The following PI4KA variants were observed in gnomAD, a reference collection of about 807,000 sequenced individuals.
PI4KA encodes the protein PI4-kinase alpha.
PI4KA carries 122 observed loss-of-function variants against 271.4 expected under a neutral mutation model. The ratio of observed to expected loss-of-function variants is 0.45; its 90% CI spans 0.39 to 0.52. The LOEUF (loss-of-function observed/expected upper bound fraction) is 0.52, where lower values mean the gene tolerates loss of function less well. PI4KA is among the 20% of genes least tolerant of loss of function. The pLI is 0.00. For missense variants in PI4KA, 1,969 were observed against 2,769.1 expected (o/e 0.71, Z 6.48); for synonymous variants, 1,041 against 1,078.8 (o/e 0.96, Z 0.69).
chr22:20,827,889 G>T (rs749182494), intron 3 of PI4KA, among the ~76,000 whole-genome samples: 29 of 152,136 alleles, frequency 1.9e-4, no homozygotes, highest in Non-Finnish European at 2.9e-5. Context: ...CCGCCTCCCA[G>T]GTTCAAGCGA....
At chr22:20,813,917 G>A (rs1249472415) in intron 7 of PI4KA, among the ~76,000 whole-genome samples, 1 of 152,114 alleles carries the variant, frequency 6.6e-6, no homozygotes, top group Admixed American at 6.5e-5. Context: ...TCCTGCCTCA[G>A]CCTTCCGAGT....
At chr22:20,794,769 C>T (rs1289141199) in intron 18 of PI4KA, among the ~76,000 whole-genome samples, 3 of 152,200 alleles carry the variant, frequency 2.0e-5, no homozygotes, top group Non-Finnish European at 4.4e-5. Flanking sequence ...TTCTGTAACA[C>T]CCTCATCTAG....
chr22:20,757,027 C>A (rs1457419722), intron 23 of PI4KA, among the ~76,000 whole-genome samples: 3 of 152,180 alleles, frequency 2.0e-5, no homozygotes, highest in East Asian at 3.9e-4. Flanking sequence ...GGATGGTGGG[C>A]AGGTGAGCAG....
intron 20 of PI4KA, 150 bp from the exon 21 acceptor site, chr22:20,765,386 G>A (rs933484260): frequency 4.4e-6 from 4 of 906,836 alleles, no homozygotes; most frequent in Admixed American, 2.4e-5. Context: ...GACTTGGACA[G>A]ACTTTTCCTA....
chr22:20,817,261 A>C (rs1381954705), intron 7 of PI4KA, among the ~76,000 whole-genome samples: 1 of 152,172 alleles, frequency 6.6e-6, no homozygotes, highest in Non-Finnish European at 1.5e-5. Context: ...TCAAAAAAGG[A>C]GAGACTATAC....
chr22:20,765,893 A>G (rs1343110602), intron 19 of PI4KA, among the ~76,000 whole-genome samples, 200 bp from the exon 20 acceptor site: 1 of 152,198 alleles, frequency 6.6e-6, no homozygotes, highest in African/African-American at 2.4e-5. Context: ...CCTAGTGTGC[A>G]CCAGGTGCTG....
chr22:20,729,875 G>A lies in PI4KA; in HGVS notation c.4408+17C>T, dbSNP rs768979002. 29 of 1,613,774 alleles carry A rather than the reference G, an allele frequency of 1.8e-5. 1 individual carries two copies. Among genetic ancestry groups the A allele is most frequent in the Non-Finnish European group, 5.9e-6 (7 of 1,179,872 alleles). On this transcript the variant is annotated intron_variant, in intron 37 of 54. Transcript: ENST00000255882. ...TAGCTTGCATGTGATGGCCCCAGCA[G>A]CACACCTCCCACCGACCTGATTTCT...
In PI4KA at chr22:20,764,385, G is replaced by A. The variant is rs143320990; in HGVS notation, c.2708+432C>T. ...TGGCCACAGATGTGTCCTGAGCATC[G>A]GGCCACATGCAGGACTGTTTTGGAG... On this transcript the variant is annotated intron_variant, in intron 22 of 54. Coordinates refer to ENST00000255882, the MANE Select transcript of PI4KA (RefSeq NM_058004.4). 8.3e-4 allele frequency among the ~76,000 whole-genome samples: 127 copies of A among 152,192 alleles called. 2 individuals are homozygous for A. In the East Asian group the frequency reaches 0.018, roughly 22 times the overall value.
At chr22:20,755,016 T>A (rs979699575) in intron 23 of PI4KA, among the ~76,000 whole-genome samples, 6 of 152,136 alleles carry the variant, frequency 3.9e-5, no homozygotes, top group African/African-American at 1.4e-4. Flanking sequence ...CTTGAACTCC[T>A]GGGCTCAAGC....
At chr22:20,838,168 A>G (rs1250318405) in intron 2 of PI4KA, among the ~76,000 whole-genome samples, 15 of 152,096 alleles carry the variant, frequency 9.9e-5, no homozygotes, top group Non-Finnish European at 2.9e-5. Context: ...AAAAGTTTAT[A>G]TACATAATCG....
chr22:20,854,160 G>A lies in PI4KA; in HGVS notation c.156+4410C>T, dbSNP rs115638457. On this transcript the variant is annotated intron_variant, in intron 1 of 54. Transcript: ENST00000255882. ...TTTTGAGACAGAGTCTCCGTTTGTC[G>A]CCCAAGCCAGAATGCAGTGGTGAGA... 2.1e-3 allele frequency among the ~76,000 whole-genome samples: 325 copies of A among 152,160 alleles called. 1 individual carries two copies. The highest frequency in any genetic ancestry group is 7.3e-3 in the African/African-American group (305 of 41,522).
chr22:20,738,794 C>T (rs938323425), intron 32 of PI4KA, among the ~76,000 whole-genome samples: 18 of 151,998 alleles, frequency 1.2e-4, no homozygotes, highest in Non-Finnish European at 2.1e-4. Context: ...CTTTAAGACA[C>T]CTTTCCCAAT....
chr22:20,806,437 AGGTG>A (rs1935655446), intron 10 of PI4KA, among the ~76,000 whole-genome samples: 1 of 152,136 alleles, frequency 6.6e-6, no homozygotes. Flanking sequence ...TGGGAGGCCA[AGGTG>A]GGTGGATCAT....
chr22:20,772,481 C>G (rs1233774877), intron 19 of PI4KA, among the ~76,000 whole-genome samples: 1 of 152,212 alleles, frequency 6.6e-6, no homozygotes, highest in East Asian at 1.9e-4. Flanking sequence ...GATGAAGGCT[C>G]TAAGAAGACA....
chr22:20,828,754 C>T (rs1378299666), intron 3 of PI4KA, among the ~76,000 whole-genome samples: 1 of 152,086 alleles, frequency 6.6e-6, no homozygotes, highest in Non-Finnish European at 1.5e-5. Context: ...AGGATTTCAC[C>T]ATGTTGGCCA....
intron 1 of PI4KA, among the ~76,000 whole-genome samples, chr22:20,850,753 A>G (rs911789394): frequency 7.9e-5 from 12 of 151,988 alleles, no homozygotes; most frequent in African/African-American, 2.9e-4. Flanking sequence ...AATTTTTTAA[A>G]ATTTTCGCTG....
At chr22:20,797,727 G>A (rs1228062096) in intron 17 of PI4KA, among the ~76,000 whole-genome samples, 3 of 152,196 alleles carry the variant, frequency 2.0e-5, no homozygotes, top group Admixed American at 2.0e-4. Context: ...CATTTTCTGA[G>A]GTCATGCAGC....
In PI4KA at chr22:20,844,153, T is replaced by G. The variant is rs1925950102; in HGVS notation, c.157-5422A>C. ...TCTCAAGATAATTACCTTCCTGATGTCTTACAGTTACTTGTATACTTATCC... is the reference window on the plus strand; with the variant it reads ...TCTCAAGATAATTACCTTCCTGATGGCTTACAGTTACTTGTATACTTATCC... On this transcript the variant is annotated intron_variant, in intron 1 of 54. Transcript: ENST00000255882. Among the ~76,000 whole-genome samples, 2 of 152,214 alleles carry G rather than the reference T, an allele frequency of 1.3e-5. 1 individual carries two copies. The highest frequency in any genetic ancestry group is 4.1e-4 in the South Asian group (2 of 4,838).
intron 6 of PI4KA, among the ~76,000 whole-genome samples, chr22:20,819,000 A>G (rs1922215366): frequency 6.6e-6 from 1 of 152,228 alleles, no homozygotes. Flanking sequence ...GAGAAGAAAC[A>G]GGTTAAGAGT....
Sources: allele counts gnomAD v4.1 joint callset (sites outside exome capture counted in the v4.1 genomes callset), GRCh38; gene constraint gnomAD v4.1.1; transcripts MANE v1.5; gene names NCBI Gene and HGNC (gene_info 2026-07-23, HGNC 2026-07-21).